Variants in CCSER2 observed in about 807,000 individuals in gnomAD.
CCSER2 encodes the protein serine-rich coiled-coil domain-containing protein 2.
In CCSER2, 46 loss-of-function variants were observed where a neutral mutation model predicts 92.3. The observed-to-expected ratio is 0.50, with a 90% CI of 0.39 to 0.64. The LOEUF (loss-of-function observed/expected upper bound fraction) is 0.64. Among genes scored for constraint, CCSER2 ranks in the 30% least tolerant of loss-of-function variants. The pLI, the probability that CCSER2 is intolerant of heterozygous loss-of-function variation, is 0.00. For missense variants in CCSER2, 1,244 were observed against 1,238.9 expected (o/e 1.00, Z -0.06); for synonymous variants, 433 against 431.4 (o/e 1.00, Z -0.04).
intron 5 of CCSER2, among the ~76,000 whole-genome samples, chr10:84,433,255 G>T (rs1382424817): frequency 6.6e-6 from 1 of 152,122 alleles, no homozygotes; most frequent in East Asian, 1.9e-4. Context: ...AAAATAACTT[G>T]CTGAAATTTT....
At chr10:84,376,773 G>C (rs1340411235) in intron 3 of CCSER2, among the ~76,000 whole-genome samples, 2 of 152,086 alleles carry the variant, frequency 1.3e-5, no homozygotes, top group Non-Finnish European at 2.9e-5. Context: ...GTGTTTCAAA[G>C]TGATTGTGCC....
intron 9 of CCSER2, among the ~76,000 whole-genome samples, chr10:84,480,917 T>C (rs1280671160): frequency 6.6e-6 from 1 of 152,250 alleles, no homozygotes; most frequent in African/African-American, 2.4e-5. Context: ...TAAACCAAAA[T>C]GAAGAAATGC....
chr10:84,344,858 C>T (rs1007865025), intron 1 of CCSER2, among the ~76,000 whole-genome samples: 20 of 152,146 alleles, frequency 1.3e-4, no homozygotes, highest in African/African-American at 4.3e-4. Flanking sequence ...GCTGCACGCA[C>T]TCACTAGCTA....
At chr10:84,330,276 A>G (rs937204064) in intron 1 of CCSER2, among the ~76,000 whole-genome samples, 1 of 152,186 alleles carries the variant, frequency 6.6e-6, no homozygotes, top group Non-Finnish European at 1.5e-5. Flanking sequence ...TCTCTATATA[A>G]GACTGTTGCA....
chr10:84,386,823 A>G (rs907992357), intron 3 of CCSER2, among the ~76,000 whole-genome samples: 3 of 152,356 alleles, frequency 2.0e-5, no homozygotes, highest in Non-Finnish European at 2.9e-5. Flanking sequence ...TCTAAGTATA[A>G]TAAGTCAGAA....
chr10:84,445,228 A>G (rs1158596886), intron 6 of CCSER2, among the ~76,000 whole-genome samples: 1 of 151,880 alleles, frequency 6.6e-6, no homozygotes, highest in Admixed American at 6.6e-5. Flanking sequence ...GTCTCGGCTC[A>G]CTGCAAGCTC....
At chr10:84,448,061 C>T (rs1159786991) in intron 6 of CCSER2, among the ~76,000 whole-genome samples, 1 of 152,050 alleles carries the variant, frequency 6.6e-6, no homozygotes, top group Non-Finnish European at 1.5e-5. Context: ...GCTTGTCAGC[C>T]CATTGGACTC....
chr10:84,374,062 T>C, intron 3 of CCSER2: 1 of 848,956 alleles, frequency 1.2e-6, no homozygotes, highest in Non-Finnish European at 1.7e-6. Context: ...ATGTGCATAC[T>C]ATATTAGTAG....
intron 9 of CCSER2, among the ~76,000 whole-genome samples, chr10:84,484,236 A>G (rs1847666482): frequency 6.6e-6 from 1 of 151,724 alleles, no homozygotes; most frequent in Non-Finnish European, 1.5e-5. Context: ...TCTGCCTCCC[A>G]AAGTGCTGGG....
chr10:84,485,320 G>A (rs1200989824), intron 9 of CCSER2, among the ~76,000 whole-genome samples: 1 of 152,094 alleles, frequency 6.6e-6, no homozygotes, highest in Non-Finnish European at 1.5e-5. Flanking sequence ...TAGAACTATT[G>A]TACCACCACA....
intron 3 of CCSER2, among the ~76,000 whole-genome samples, chr10:84,387,464 T>C (rs1589514942): frequency 1.3e-5 from 2 of 152,352 alleles, no homozygotes; most frequent in African/African-American, 4.8e-5. Flanking sequence ...CTCCTACTTT[T>C]GGCACTTTAT....
intron 3 of CCSER2, among the ~76,000 whole-genome samples, chr10:84,407,823 C>G (rs953591094): frequency 1.3e-5 from 2 of 152,158 alleles, no homozygotes; most frequent in Admixed American, 6.6e-5. Context: ...GGATCAATGC[C>G]TAGCCCCCCA....
At chr10:84,465,115 T>C (rs1240847792) in intron 7 of CCSER2, among the ~76,000 whole-genome samples, 2 of 151,592 alleles carry the variant, frequency 1.3e-5, no homozygotes, top group Admixed American at 1.3e-4. Context: ...CAGCAGGCCA[T>C]CTCTTAACAC....
At chr10:84,438,465 A>G (rs1589665830) in intron 5 of CCSER2, 47 bp from the exon 6 acceptor site, 1 of 861,698 alleles carries the variant, frequency 1.2e-6, no homozygotes, top group Non-Finnish European at 1.7e-6. Flanking sequence ...TCTTTCTGAA[A>G]TTGTATTGTA....
At chr10:84,499,778 CTG>C in intron 9 of CCSER2, 1 of 1,170,102 alleles carries the variant, frequency 8.5e-7, no homozygotes, top group Non-Finnish European at 1.3e-6. Flanking sequence ...CACTATTGCT[CTG>C]TGTTATTTAA....
intron 5 of CCSER2, among the ~76,000 whole-genome samples, chr10:84,428,403 C>T (rs1843558960): frequency 6.6e-6 from 1 of 152,136 alleles, no homozygotes. Flanking sequence ...GGTGGAGCTC[C>T]TGTCAGATAA....
chr10:84,477,313 C>T (rs1339793346), intron 8 of CCSER2, among the ~76,000 whole-genome samples: 1 of 152,100 alleles, frequency 6.6e-6, no homozygotes, highest in Admixed American at 6.5e-5. Flanking sequence ...CTGAATAGAC[C>T]TTATTGTTGG....
chr10:84,484,640 A>G (rs1421671775), intron 9 of CCSER2, among the ~76,000 whole-genome samples: 1 of 152,198 alleles, frequency 6.6e-6, no homozygotes, highest in Non-Finnish European at 1.5e-5. Flanking sequence ...AATAAGTGAT[A>G]TTTATGATCT....
intron 8 of CCSER2, among the ~76,000 whole-genome samples, chr10:84,475,869 G>C (rs1227864996): frequency 6.6e-6 from 1 of 152,038 alleles, no homozygotes; most frequent in African/African-American, 2.4e-5. Flanking sequence ...GTCTCACTCT[G>C]TCACCCAGGA....
Sources: allele counts gnomAD v4.1 joint callset (sites outside exome capture counted in the v4.1 genomes callset), GRCh38; gene constraint gnomAD v4.1.1; transcripts MANE v1.5; gene names NCBI Gene and HGNC (gene_info 2026-07-23, HGNC 2026-07-21).